DIS3L2: variants seen among roughly 807,000 people sequenced by gnomAD.
DIS3L2 encodes the protein DIS3-like exonuclease 2.
DIS3L2 carries 34 observed loss-of-function variants against 97.5 expected under a neutral mutation model. The ratio of observed to expected loss-of-function variants is 0.35; its 90% CI spans 0.27 to 0.46. DIS3L2 has a LOEUF of 0.46. Ranked by LOEUF, DIS3L2 falls within the 20% of genes least tolerant of loss-of-function variation. The pLI is 1.00. For missense variants in DIS3L2, 1,038 were observed against 1,146.0 expected, an observed-to-expected ratio of 0.91 and a Z score of 1.36; for synonymous variants, 435 against 445.2, an observed-to-expected ratio of 0.98 and a Z score of 0.29.
intron 6 of DIS3L2, among the ~76,000 whole-genome samples, chr2:232,106,244 T>C (rs1317362078): frequency 6.6e-6 from 1 of 152,198 alleles, no homozygotes; most frequent in Non-Finnish European, 1.5e-5. Context: ...TCCTACAAGA[T>C]CATGTACTCT....
At chr2:232,123,681 A>G (rs1697972183) in intron 6 of DIS3L2, among the ~76,000 whole-genome samples, 1 of 152,176 alleles carries the variant, frequency 6.6e-6, no homozygotes, top group African/African-American at 2.4e-5. Flanking sequence ...ACAACTAAAA[A>G]TATTTGGATT....
chr2:232,162,262 T>G (rs1378122614), intron 8 of DIS3L2, among the ~76,000 whole-genome samples: 1 of 152,190 alleles, frequency 6.6e-6, no homozygotes, highest in Non-Finnish European at 1.5e-5. Flanking sequence ...CCACATCATA[T>G]GGGAGGAGCC....
At chr2:232,303,662 T>C (rs893398748) in intron 14 of DIS3L2, among the ~76,000 whole-genome samples, 1 of 152,186 alleles carries the variant, frequency 6.6e-6, no homozygotes, top group Non-Finnish European at 1.5e-5. Flanking sequence ...TCCTTTCAAA[T>C]GGAATGGCCC....
intron 3 of DIS3L2, among the ~76,000 whole-genome samples, chr2:232,023,566 G>T (rs1214520523): frequency 6.6e-6 from 1 of 152,124 alleles, no homozygotes; most frequent in Non-Finnish European, 1.5e-5. Flanking sequence ...CTTCCTGCAA[G>T]AGCCTGAAAT....
At chr2:232,323,088 A>G (rs1272457895) in intron 14 of DIS3L2, among the ~76,000 whole-genome samples, 10 of 152,220 alleles carry the variant, frequency 6.6e-5, no homozygotes, top group Admixed American at 6.5e-4. Context: ...CCTTGTTTCC[A>G]GTTCCGGTTG....
chr2:232,047,139 T>C (rs1301022408), intron 5 of DIS3L2, among the ~76,000 whole-genome samples: 1 of 152,250 alleles, frequency 6.6e-6, no homozygotes, highest in African/African-American at 2.4e-5. Flanking sequence ...TTTTGACAAG[T>C]AAATTTACAG....
intron 1 of DIS3L2, among the ~76,000 whole-genome samples, chr2:231,982,843 C>G (rs1693299765): frequency 6.6e-6 from 1 of 151,982 alleles, no homozygotes; most frequent in South Asian, 2.1e-4. Flanking sequence ...CCACACCTGG[C>G]TAATTTTTGT....
At chr2:232,333,760 AG>A in intron 16 of DIS3L2, 79 bp from the exon 17 acceptor site, 111 of 1,417,186 alleles carry the variant, frequency 7.8e-5, no homozygotes, top group Admixed American at 5.3e-4. Flanking sequence ...GCCGACGGTG[AG>A]GCTGTGGGTG....
chr2:232,327,370 GA>G (rs1322748502), intron 14 of DIS3L2, among the ~76,000 whole-genome samples: 1 of 152,224 alleles, frequency 6.6e-6, no homozygotes, highest in Non-Finnish European at 1.5e-5. Flanking sequence ...GGCTGGAGGG[GA>G]AAGCAGGCAC....
intron 17 of DIS3L2, 56 bp downstream of exon 17, chr2:232,334,043 C>G: frequency 6.4e-7 from 1 of 1,558,946 alleles, no homozygotes; most frequent in Non-Finnish European, 8.6e-7. Flanking sequence ...GCTGCCCACC[C>G]CCACAGTGGG....
chr2:232,310,642 T>TAG (rs977104616), intron 14 of DIS3L2, among the ~76,000 whole-genome samples: 1 of 152,218 alleles, frequency 6.6e-6, no homozygotes, highest in Non-Finnish European at 1.5e-5. Flanking sequence ...ACTCCCATTT[T>TAG]AGAGAGAGAG....
intron 5 of DIS3L2, among the ~76,000 whole-genome samples, chr2:232,065,942 T>G (rs1347387450): frequency 1.3e-5 from 2 of 151,950 alleles, no homozygotes; most frequent in African/African-American, 4.8e-5. Flanking sequence ...ATTATCCCCT[T>G]AATTTTATTT....
At position 232,334,453 on chromosome 2, in the gene DIS3L2, G is replaced by A. The variant is rs372537171; in HGVS notation, c.2243G>A (p.Arg748His). ...HCNDRRMASK[R>H]VQELSTSLFF... ...AACGACCGCCGCATGGCGTCCAAGC[G>A]CGTGCAGGAGCTCAGTACCAGTCTC... Residue 748 changes from arginine (R) to histidine (H), a missense_variant, in exon 18 of 21, where the codon CGC (arginine) becomes CAC (histidine). Arg to His is a conservative substitution (Grantham distance 29). Around this residue, in one of 3 missense-constraint regions of DIS3L2, gnomAD observed 221 missense variants for 246.9 expected, o/e 0.90. Coordinates refer to ENST00000325385, the MANE Select transcript of DIS3L2 (RefSeq NM_152383.5). The A allele has an allele frequency of 2.7e-5, 44 of 1,613,814 alleles. No individual in the cohort carries two copies. The highest frequency in any genetic ancestry group is 5.0e-5 in the Admixed American group (3 of 60,002).
At chr2:232,284,393 C>T (rs1694373544) in intron 13 of DIS3L2, among the ~76,000 whole-genome samples, 1 of 152,228 alleles carries the variant, frequency 6.6e-6, no homozygotes, top group African/African-American at 2.4e-5. Flanking sequence ...TAACTGCACC[C>T]ACCCTGTGAG....
chr2:232,263,732 G>A (rs1266721603), intron 13 of DIS3L2, among the ~76,000 whole-genome samples: 1 of 152,180 alleles, frequency 6.6e-6, no homozygotes, highest in African/African-American at 2.4e-5. Flanking sequence ...AAAACCCCCA[G>A]CTGGTCTTCC....
chr2:232,161,322 TC>T (rs1690644022), intron 8 of DIS3L2, among the ~76,000 whole-genome samples: 1 of 152,186 alleles, frequency 6.6e-6, no homozygotes, highest in Non-Finnish European at 1.5e-5. Flanking sequence ...GAAGCTTAGA[TC>T]ACTGATTTGA....
At chr2:232,148,675 G>A (rs1413402555) in intron 8 of DIS3L2, among the ~76,000 whole-genome samples, 2 of 149,898 alleles carry the variant, frequency 1.3e-5, no homozygotes, top group South Asian at 2.1e-4. Context: ...AGTATAACCT[G>A]GTAAAACATT....
At chr2:231,991,951 A>G (rs1238438146) in intron 1 of DIS3L2, among the ~76,000 whole-genome samples, 1 of 152,202 alleles carries the variant, frequency 6.6e-6, no homozygotes, top group Non-Finnish European at 1.5e-5. Flanking sequence ...TGGAATTTAC[A>G]TACTGGAACC....
chr2:232,109,685 C>T (rs916972169), intron 6 of DIS3L2, among the ~76,000 whole-genome samples: 2 of 151,854 alleles, frequency 1.3e-5, no homozygotes, highest in African/African-American at 4.8e-5. Context: ...GAAATTGGGC[C>T]CCTTCCTTAC....
Sources: allele counts gnomAD v4.1 joint callset (sites outside exome capture counted in the v4.1 genomes callset), GRCh38; gene constraint gnomAD v4.1.1; regional missense constraint gnomAD v4.1.1; transcripts MANE v1.5; gene names NCBI Gene and HGNC (gene_info 2026-07-23, HGNC 2026-07-21).